Variants in ME3 observed in about 807,000 individuals in gnomAD.
ME3 encodes malic enzyme 3.
In ME3, 48 loss-of-function variants were observed where a neutral mutation model predicts 68.9. That is an observed-to-expected ratio of 0.70 (90% CI 0.55 to 0.89). ME3 has a LOEUF of 0.89. Ranked by LOEUF, ME3 falls within the 40% of genes least tolerant of loss-of-function variation. The pLI is 0.00. For missense variants in ME3, 675 were observed against 797.4 expected (o/e 0.85, Z 1.85); for synonymous variants, 320 against 318.8 (o/e 1.00, Z -0.04).
At chr11:86,482,827 C>T (rs1211287713) in intron 7 of ME3, among the ~76,000 whole-genome samples, 2 of 151,974 alleles carry the variant, frequency 1.3e-5, no homozygotes, top group Non-Finnish European at 2.9e-5. Context: ...CAGCTGAGCC[C>T]GCTCCCAGCT....
chr11:86,551,150 G>A (rs1234131722), intron 4 of ME3, among the ~76,000 whole-genome samples: 1 of 152,088 alleles, frequency 6.6e-6, no homozygotes, highest in Non-Finnish European at 1.5e-5. Flanking sequence ...TGAGAGGGAA[G>A]AAGAGATGAA....
At chr11:86,520,956 G>T (rs1954229037) in intron 4 of ME3, among the ~76,000 whole-genome samples, 2 of 152,188 alleles carry the variant, frequency 1.3e-5, no homozygotes, top group Non-Finnish European at 2.9e-5. Context: ...AGAGTTCCAT[G>T]ACTCTAATCT....
At chr11:86,464,027 A>T (rs1950355136) in intron 8 of ME3, 3 of 411,248 alleles carry the variant, frequency 7.3e-6, no homozygotes, top group Admixed American at 6.3e-5. Context: ...TCAGCGATTA[A>T]CCTTAGCTGT....
At chr11:86,640,257 T>A (rs1300845701) in intron 2 of ME3, among the ~76,000 whole-genome samples, 1 of 152,194 alleles carries the variant, frequency 6.6e-6, no homozygotes, top group African/African-American at 2.4e-5. Flanking sequence ...TCAAGCTTGG[T>A]GAAGATCCAC....
At chr11:86,509,122 C>T (rs1953310496) in intron 4 of ME3, among the ~76,000 whole-genome samples, 1 of 152,174 alleles carries the variant, frequency 6.6e-6, no homozygotes. Context: ...AGTCTGTGCC[C>T]TTTTTTCCTT....
intron 2 of ME3, among the ~76,000 whole-genome samples, chr11:86,638,805 T>C (rs7480835): frequency 0.17 from 25,294 of 152,192 alleles, 2,213 homozygotes; most frequent in Non-Finnish European, 0.19. Flanking sequence ...AAGATCACAC[T>C]GCTAGTAAGT....
intron 2 of ME3, among the ~76,000 whole-genome samples, chr11:86,615,190 A>G (rs1942872510): frequency 6.6e-6 from 1 of 152,082 alleles, no homozygotes; most frequent in East Asian, 1.9e-4. Context: ...CGGACCCTAC[A>G]CATATTTTTT....
At chr11:86,547,173 G>A (rs1401944873) in intron 4 of ME3, among the ~76,000 whole-genome samples, 3 of 146,620 alleles carry the variant, frequency 2.0e-5, no homozygotes, top group Admixed American at 7.1e-5. Flanking sequence ...GGGAGGCAGA[G>A]CTTGCAGTGA....
At chr11:86,450,828 A>T (rs540565891) in intron 8 of ME3, among the ~76,000 whole-genome samples, 1 of 152,220 alleles carries the variant, frequency 6.6e-6, no homozygotes, top group African/African-American at 2.4e-5. Flanking sequence ...TGCCCATCTT[A>T]TCTACCAAGT....
intron 4 of ME3, among the ~76,000 whole-genome samples, chr11:86,527,220 A>C (rs1954828186): frequency 6.6e-6 from 1 of 152,258 alleles, no homozygotes. Flanking sequence ...TGACGAATGC[A>C]CAAGCCTCAG....
chr11:86,672,009 C>A, intron 1 of ME3, 51 bp from the exon 2 acceptor site: 1 of 1,313,120 alleles, frequency 7.6e-7, no homozygotes, highest in Non-Finnish European at 9.7e-7. Context: ...CCAGCCAGGA[C>A]CCACGCGCGC....
At chr11:86,481,658 A>G (rs1030820192) in intron 7 of ME3, among the ~76,000 whole-genome samples, 3 of 152,160 alleles carry the variant, frequency 2.0e-5, no homozygotes, top group Non-Finnish European at 2.9e-5. Context: ...CTGCAGCTTC[A>G]TGTGGACTAA....
chr11:86,529,323 T>A (rs1955020872), intron 4 of ME3, among the ~76,000 whole-genome samples: 1 of 152,160 alleles, frequency 6.6e-6, no homozygotes, highest in Non-Finnish European at 1.5e-5. Context: ...GTTGAATCTC[T>A]GAATGGACCA....
chr11:86,529,579 C>A (rs1446908908), intron 4 of ME3, among the ~76,000 whole-genome samples: 1 of 152,142 alleles, frequency 6.6e-6, no homozygotes, highest in Non-Finnish European at 1.5e-5. Flanking sequence ...GACCAATATC[C>A]CTGATGAACA....
At chr11:86,584,480 A>G (rs1958621897) in intron 2 of ME3, among the ~76,000 whole-genome samples, 1 of 152,232 alleles carries the variant, frequency 6.6e-6, no homozygotes, top group Non-Finnish European at 1.5e-5. Flanking sequence ...TACCCAGAAT[A>G]ATTAAAATCA....
chr11:86,582,309 G>A (rs1958485008), intron 2 of ME3, among the ~76,000 whole-genome samples: 1 of 152,210 alleles, frequency 6.6e-6, no homozygotes. Context: ...GACATTGATT[G>A]AAACTTACAT....
intron 6 of ME3, among the ~76,000 whole-genome samples, chr11:86,495,420 A>G (rs1952260285): frequency 6.6e-6 from 1 of 152,228 alleles, no homozygotes; most frequent in Non-Finnish European, 1.5e-5. Flanking sequence ...CCAATGCACC[A>G]GGGCAGACAG....
At chr11:86,523,603 C>CA (rs1264553129) in intron 4 of ME3, among the ~76,000 whole-genome samples, 3 of 151,890 alleles carry the variant, frequency 2.0e-5, no homozygotes, top group Non-Finnish European at 4.4e-5. Context: ...ATAATTGTTC[C>CA]AGTTGAGTTC....
intron 2 of ME3, among the ~76,000 whole-genome samples, chr11:86,661,374 C>T (rs1309051670): frequency 1.3e-5 from 2 of 152,168 alleles, no homozygotes; most frequent in South Asian, 2.1e-4. Context: ...GGCACCCAGG[C>T]ATTGTGCAAC....
Sources: allele counts gnomAD v4.1 joint callset (sites outside exome capture counted in the v4.1 genomes callset), GRCh38; gene constraint gnomAD v4.1.1; transcripts MANE v1.5; gene names NCBI Gene and HGNC (gene_info 2026-07-23, HGNC 2026-07-21).